GPR173: variants seen among roughly 807,000 people sequenced by gnomAD.
The protein encoded by GPR173 is probable G protein-coupled receptor 173.
In GPR173, 2 loss-of-function variants were observed where a neutral mutation model predicts 13.9. That is an observed-to-expected ratio of 0.14 (90% CI 0.06 to 0.45). GPR173 has a LOEUF of 0.45. Among genes scored for constraint, GPR173 ranks in the 20% least tolerant of loss-of-function variants. The probability of loss-of-function intolerance (pLI) is 0.98; values close to 1 mark genes in which losing one functional copy is unlikely to be tolerated. For missense variants in GPR173, 202 were observed against 340.5 expected, an observed-to-expected ratio of 0.59 and a Z score of 3.20; for synonymous variants, 131 against 141.0, an observed-to-expected ratio of 0.93 and a Z score of 0.50.
At chrX:53,052,290 C>T (rs1931967915) in intron 1 of GPR173, among the ~76,000 whole-genome samples, 1 of 111,084 alleles carries the variant, frequency 9.0e-6, no homozygotes, top group Non-Finnish European at 1.9e-5. Context: ...ACGCAAAATG[C>T]TGTGTGCATA....
At chrX:53,049,850 C>A (rs1186885001) in intron 1 of GPR173, among the ~76,000 whole-genome samples, 1 of 111,249 alleles carries the variant, frequency 9.0e-6, no homozygotes, top group Non-Finnish European at 1.9e-5. Flanking sequence ...ATGCCTGCAC[C>A]CTGGGCAGGC....
At chrX:53,072,393 G>GCT (rs111935395) in intron 1 of GPR173, among the ~76,000 whole-genome samples, 6,804 of 89,856 alleles carry the variant, frequency 0.076, 281 homozygotes, top group Non-Finnish European at 0.089. Flanking sequence ...TCTCTCTCTT[G>GCT]CTCTCTCTCT....
chrX:53,075,940 G>C (rs1486568631), intron 1 of GPR173, among the ~76,000 whole-genome samples: 5 of 111,604 alleles, frequency 4.5e-5, no homozygotes, highest in Non-Finnish European at 9.4e-5. Flanking sequence ...GTAGCGGGTT[G>C]TGATGTAAAA....
intron 1 of GPR173, among the ~76,000 whole-genome samples, chrX:53,059,933 A>G (rs1932098182): frequency 9.4e-6 from 1 of 106,736 alleles, no homozygotes; most frequent in South Asian, 4.2e-4. Flanking sequence ...GGCTGCAGAG[A>G]ACCAAGATCT....
Position 53,049,076 on chromosome X carries a change from G to A in GPR173, c.-506G>A, listed in dbSNP as rs1253686781. 2 of 100,759 alleles carry A rather than the reference G, an allele frequency of 2.0e-5. No individual in the cohort carries two copies. Among genetic ancestry groups the A allele is most frequent in the Non-Finnish European group, 4.1e-5 (2 of 48,235 alleles). The allele number at this position is 100,759 out of a possible 1,213,427, so 8.3% of individuals were successfully genotyped here. A position where few individuals can be genotyped will look rare whatever the true frequency, so the allele number is the denominator to read the frequency against. The stretch of plus-strand genomic sequence containing the variant: ...CAGACGGAGGGGGGGGGTGGGGGGT[G>A]GGGGGGGTAGGGGGACCGGCAGCCA... On this transcript the variant is annotated 5_prime_UTR_variant, in exon 1 of 2. Coordinates refer to ENST00000332582, the MANE Select transcript of GPR173 (RefSeq NM_018969.6).
At chrX:53,070,001 C>CTGTG (rs1386571979) in intron 1 of GPR173, among the ~76,000 whole-genome samples, 1 of 110,302 alleles carries the variant, frequency 9.1e-6, no homozygotes, top group Non-Finnish European at 1.9e-5. Context: ...TGTACTATAC[C>CTGTG]TGTGTGTGTA....
At chrX:53,049,757 G>A (rs1931927233) in intron 1 of GPR173, among the ~76,000 whole-genome samples, 1 of 111,621 alleles carries the variant, frequency 9.0e-6, no homozygotes, top group African/African-American at 3.3e-5. Context: ...GGTTGCGTTT[G>A]GGCATGAGGC....
intron 1 of GPR173, among the ~76,000 whole-genome samples, chrX:53,061,180 GCCAC>G (rs1932121141): frequency 9.4e-6 from 1 of 106,363 alleles, no homozygotes; most frequent in African/African-American, 3.5e-5. Flanking sequence ...CCGAGATTGC[GCCAC>G]TGCACTCCAG....
At chrX:53,058,203 G>A (rs1349971208) in intron 1 of GPR173, among the ~76,000 whole-genome samples, 1 of 112,255 alleles carries the variant, frequency 8.9e-6, no homozygotes, top group Non-Finnish European at 1.9e-5. Flanking sequence ...ATCTGTGGTA[G>A]TGTAATGTCT....
chrX:53,074,698 TATAA>T (rs1213750282), intron 1 of GPR173, among the ~76,000 whole-genome samples: 3 of 90,141 alleles, frequency 3.3e-5, no homozygotes, highest in African/African-American at 1.3e-4. Context: ...TAAATAAATA[TATAA>T]ATATATATTT....
chrX:53,060,690 C>T (rs985154192), intron 1 of GPR173, among the ~76,000 whole-genome samples: 1 of 107,580 alleles, frequency 9.3e-6, no homozygotes, highest in African/African-American at 3.4e-5. Context: ...ACCCCTGCCC[C>T]GCGCCCCTTA....
At chrX:53,053,264 T>C (rs1463457828) in intron 1 of GPR173, among the ~76,000 whole-genome samples, 1 of 112,290 alleles carries the variant, frequency 8.9e-6, no homozygotes, top group Non-Finnish European at 1.9e-5. Flanking sequence ...CATATCTAGG[T>C]GTTTATGTGT....
At position 53,077,061 on chromosome X, in the gene GPR173, C is replaced by T. The variant is rs781867619; in HGVS notation, c.440C>T (p.Ala147Val). 1.2e-5 allele frequency: 14 copies of T among 1,208,327 alleles called. No homozygotes were observed. The highest frequency in any genetic ancestry group is 1.2e-5 in the Non-Finnish European group (11 of 893,508). ...LWTCAAVICMAWTLSVAMAFP... is the reference protein window; with the variant it reads ...LWTCAAVICMVWTLSVAMAFP... ...ACATGCGCGGCTGTCATCTGCATGG[C>T]CTGGACCCTGTCTGTGGCCATGGCC... Residue 147 changes from alanine to valine, a missense_variant, in exon 2 of 2, where the codon GCC (alanine) becomes GTC (valine). Physicochemically the swap from Ala to Val is moderately conservative, Grantham distance 64. Coordinates refer to ENST00000332582, the MANE Select transcript of GPR173 (RefSeq NM_018969.6).
chrX:53,067,661 T>TA (rs1356531670), intron 1 of GPR173, among the ~76,000 whole-genome samples: 7 of 110,631 alleles, frequency 6.3e-5, no homozygotes, highest in Non-Finnish European at 1.3e-4. Context: ...CCGTCTCTAC[T>TA]AAAATACAAA....
At chrX:53,062,004 A>G (rs782330981) in intron 1 of GPR173, among the ~76,000 whole-genome samples, 59 of 109,981 alleles carry the variant, frequency 5.4e-4, no homozygotes, top group Admixed American at 1.1e-3. Flanking sequence ...AAGAGAAGAG[A>G]AGAGAAGAGA....
chrX:53,077,714 G>A lies in GPR173; in HGVS notation c.1093G>A (p.Ala365Thr), dbSNP rs781815888. 2.5e-6 allele frequency: 3 copies of A among 1,209,026 alleles called. No homozygotes were observed. Among genetic ancestry groups the A allele is most frequent in the East Asian group, 5.9e-5 (2 of 33,831 alleles). Reference protein sequence around the residue: ...APCWGTGGAPAPREPYCVM With the variant: ...APCWGTGGAPTPREPYCVM Reference sequence around the variant, plus strand: ...CTGCTGGGGCACAGGAGGTGCCCCGGCTCCCAGAGAACCCTACTGTGTCAT... The same window carrying A: ...CTGCTGGGGCACAGGAGGTGCCCCGACTCCCAGAGAACCCTACTGTGTCAT... Residue 365 changes from alanine (A) to threonine (T), a missense_variant, in exon 2 of 2, where the codon GCT becomes ACT. By Grantham distance (58) the Ala-to-Thr change is moderately conservative (BLOSUM62 0). Around this residue, in one of 3 missense-constraint regions of GPR173, gnomAD observed 76 missense variants for 116.3 expected, o/e 0.65. Coordinates refer to ENST00000332582, the MANE Select transcript of GPR173 (RefSeq NM_018969.6).
At chrX:53,072,518 C>T (rs1383339089) in intron 1 of GPR173, among the ~76,000 whole-genome samples, 2 of 108,385 alleles carry the variant, frequency 1.8e-5, no homozygotes, top group African/African-American at 6.8e-5. Context: ...TTGTCTCTCT[C>T]TTCCTCTCTG....
chrX:53,059,966 C>T (rs945126791), intron 1 of GPR173, among the ~76,000 whole-genome samples: 12 of 102,855 alleles, frequency 1.2e-4, no homozygotes, highest in South Asian at 4.4e-4. Context: ...CCAGCCTGGG[C>T]GACAGAGCGA....
chrX:53,072,393 G>T (rs12397092), intron 1 of GPR173, among the ~76,000 whole-genome samples: 6 of 90,087 alleles, frequency 6.7e-5, no homozygotes, highest in East Asian at 3.4e-4. Flanking sequence ...TCTCTCTCTT[G>T]CTCTCTCTCT....
Sources: allele counts gnomAD v4.1 joint callset (sites outside exome capture counted in the v4.1 genomes callset), GRCh38; gene constraint gnomAD v4.1.1; regional missense constraint gnomAD v4.1.1; transcripts MANE v1.5; gene names NCBI Gene and HGNC (gene_info 2026-07-23, HGNC 2026-07-21).